Variants in PKNOX2 observed in about 807,000 individuals in gnomAD.
The protein encoded by PKNOX2 is PBX/knotted 1 homeobox 2.
Under a neutral mutation model 53.1 loss-of-function variants are expected in PKNOX2, and 14 were observed. That is an observed-to-expected ratio of 0.26 (90% confidence interval 0.17 to 0.41). The LOEUF is 0.41. PKNOX2 is among the 10% of genes least tolerant of loss of function. PKNOX2 has a pLI of 1.00. For synonymous variants in PKNOX2, 257 were observed against 242.8 expected (o/e 1.06, Z -0.54); for missense variants, 496 against 602.8 (o/e 0.82, Z 1.85).
rs930511579 is a variant in PKNOX2 at position 125,432,356 on chromosome 11, A to T, written c.*964A>T. The T allele has an allele frequency of 6.5e-6, 1 of 152,876 alleles. No individual in the cohort carries two copies. Among genetic ancestry groups the T allele is most frequent in the African/African-American group, 2.4e-5 (1 of 41,464 alleles). 9.5% of individuals were successfully genotyped at this position (152,876 alleles called of 1,614,324 possible). A position where few individuals can be genotyped will look rare whatever the true frequency, so the allele number is the denominator to read the frequency against. ...GAATCTTTCCAGCCCGCAGGTCGCC[A>T]CGGCCATCCCTTTGCTCCCAGCCTG... is the stretch of plus-strand genomic sequence containing the variant. On this transcript the variant is annotated 3_prime_UTR_variant, in exon 13 of 13. Coordinates refer to ENST00000298282, the MANE Select transcript of PKNOX2 (RefSeq NM_001382323.2).
At chr11:125,274,030 A>C (rs538760231) in intron 2 of PKNOX2, among the ~76,000 whole-genome samples, 1 of 152,338 alleles carries the variant, frequency 6.6e-6, no homozygotes, top group East Asian at 1.9e-4. Flanking sequence ...GTAGTATCAC[A>C]CTGGCTCTGG....
rs908163487 is a variant in PKNOX2, at chr11:125,324,976, G to A, written c.-129-6843G>A. ...TGTAAGGAAAGTAGAGACAGGCAGG[G>A]CCTTGCAGAGATGTTCAATGTCAAA... On this transcript the variant is annotated intron_variant, in intron 2 of 12. Transcript: ENST00000298282. 1.0e-3 allele frequency among the ~76,000 whole-genome samples: 154 copies of A among 152,174 alleles called. 1 individual carries two copies. Among genetic ancestry groups the A allele is most frequent in the African/African-American group, 3.7e-3 (153 of 41,438 alleles).
intron 1 of PKNOX2, among the ~76,000 whole-genome samples, chr11:125,229,305 G>A (rs533510856): frequency 1.3e-5 from 2 of 152,308 alleles, no homozygotes; most frequent in Admixed American, 1.3e-4. Context: ...TCTCTATGGG[G>A]CAAACAGGAG....
intron 5 of PKNOX2, among the ~76,000 whole-genome samples, chr11:125,374,465 G>A (rs1952724607): frequency 6.6e-6 from 1 of 152,184 alleles, no homozygotes; most frequent in Non-Finnish European, 1.5e-5. Flanking sequence ...TGATCCTGCT[G>A]GAGCTATAAT....
chr11:125,381,233 C>T (rs1953207020), intron 5 of PKNOX2, among the ~76,000 whole-genome samples: 1 of 152,050 alleles, frequency 6.6e-6, no homozygotes, highest in African/African-American at 2.4e-5. Context: ...GCTGTCTGAG[C>T]TCTGAGAGAG....
At position 125,179,573 on chromosome 11, in the gene PKNOX2, G is replaced by A. The variant is rs145664593; in HGVS notation, c.-201+14797G>A. ...AGCTGACAGGCAGCTGGGGTGCTGGGGCAGAGTGGCGGGTCAGGCGCGAGT... is the reference window on the plus strand; with the variant it reads ...AGCTGACAGGCAGCTGGGGTGCTGGAGCAGAGTGGCGGGTCAGGCGCGAGT... On this transcript the variant is annotated intron_variant, in intron 1 of 12. Transcript: ENST00000298282. 4.4e-3 allele frequency among the ~76,000 whole-genome samples: 670 copies of A among 152,340 alleles called. 5 individuals carry two copies. Among genetic ancestry groups the A allele is most frequent in the African/African-American group, 0.015 (642 of 41,586 alleles).
At chr11:125,324,756 A>C (rs1949734807) in intron 2 of PKNOX2, among the ~76,000 whole-genome samples, 1 of 152,202 alleles carries the variant, frequency 6.6e-6, no homozygotes, top group Non-Finnish European at 1.5e-5. Context: ...AGGCAAAAAC[A>C]AACAGATTGT....
In PKNOX2 at chr11:125,350,921, G is replaced by A. The variant is rs1951269615; in HGVS notation, c.-22-363G>A. Reference sequence around the variant, plus strand: ...GGAACTCAGGGTCCTCCTGGGGAAGGAGGGGTATCCAAATGGCCTCCAGTC... The same window carrying A: ...GGAACTCAGGGTCCTCCTGGGGAAGAAGGGGTATCCAAATGGCCTCCAGTC... On this transcript the variant is annotated intron_variant, in intron 3 of 12. Coordinates refer to ENST00000298282, the MANE Select transcript of PKNOX2 (RefSeq NM_001382323.2). Among the ~76,000 whole-genome samples the A allele has an allele frequency of 2.0e-5, 3 of 152,248 alleles. No individual in the cohort carries two copies. The South Asian group carries it at 6.2e-4, about 32-fold the overall frequency.
At chr11:125,339,952 G>A (rs532721698) in intron 3 of PKNOX2, among the ~76,000 whole-genome samples, 2 of 152,158 alleles carry the variant, frequency 1.3e-5, no homozygotes, top group South Asian at 2.1e-4. Flanking sequence ...AAGATTTGCC[G>A]CTTTCAGCTC....
At chr11:125,334,333 G>C (rs1301064921) in intron 3 of PKNOX2, among the ~76,000 whole-genome samples, 1 of 152,224 alleles carries the variant, frequency 6.6e-6, no homozygotes, top group Non-Finnish European at 1.5e-5. Context: ...GAGCCAGCCA[G>C]TGTGCCTGGA....
intron 5 of PKNOX2, among the ~76,000 whole-genome samples, chr11:125,377,385 G>T (rs1484129850): frequency 6.6e-6 from 1 of 152,192 alleles, no homozygotes; most frequent in Non-Finnish European, 1.5e-5. Flanking sequence ...AGACCCATGA[G>T]GGGAGCCTGC....
At chr11:125,409,354 A>G (rs939374141) in intron 7 of PKNOX2, among the ~76,000 whole-genome samples, 6 of 152,200 alleles carry the variant, frequency 3.9e-5, no homozygotes, top group Non-Finnish European at 7.3e-5. Context: ...GCTAACGCAA[A>G]GAAAAGCGGC....
At chr11:125,172,998 GC>G (rs1245384058) in intron 1 of PKNOX2, among the ~76,000 whole-genome samples, 1 of 152,210 alleles carries the variant, frequency 6.6e-6, no homozygotes, top group Non-Finnish European at 1.5e-5. Flanking sequence ...ACAGCGTGGG[GC>G]TAGGGGAAGG....
chr11:125,201,483 GGA>G lies in PKNOX2; in HGVS notation c.-200-33554_-200-33553del, dbSNP rs1421066681. 2.0e-4 allele frequency among the ~76,000 whole-genome samples: 31 copies of G among 152,306 alleles called. No homozygotes were observed. The East Asian group carries it at 5.6e-3, about 27-fold the overall frequency. ...GCCACAGAAGAGCAGGTAAAGCCCT[GGA>G]GAGAGAGTCAAGGCTGGCTGGAGAA... On this transcript the variant is annotated intron_variant, in intron 1 of 12. Coordinates refer to ENST00000298282, the MANE Select transcript of PKNOX2 (RefSeq NM_001382323.2).
intron 1 of PKNOX2, among the ~76,000 whole-genome samples, chr11:125,182,943 T>C (rs1238462479): frequency 6.6e-6 from 1 of 152,144 alleles, no homozygotes; most frequent in East Asian, 1.9e-4. Context: ...TTCTGGAAAA[T>C]AGGAAGGCTC....
chr11:125,378,751 T>G (rs754956829), intron 5 of PKNOX2, among the ~76,000 whole-genome samples: 1 of 152,076 alleles, frequency 6.6e-6, no homozygotes, highest in African/African-American at 2.4e-5. Context: ...AATCACAAAG[T>G]TTATCACCCA....
rs1012197855 is a variant in PKNOX2, at chr11:125,165,519, C to T, written c.-201+743C>T. Reference sequence around the variant, plus strand: ...CGGTCCCAGGCTGGGGCCAGGTGACCGGAGGAGTCGAGGAGCCGCGGCCGC... The same window carrying T: ...CGGTCCCAGGCTGGGGCCAGGTGACTGGAGGAGTCGAGGAGCCGCGGCCGC... On this transcript the variant is annotated intron_variant, in intron 1 of 12. Coordinates refer to ENST00000298282, the MANE Select transcript of PKNOX2 (RefSeq NM_001382323.2). The surrounding 1 kb of genome is among the most constrained non-coding windows in gnomAD (Gnocchi z 4.5). 6.6e-6 allele frequency among the ~76,000 whole-genome samples: 1 copy of T among 152,028 alleles called. No individual in the cohort carries two copies. The highest frequency in any genetic ancestry group is 1.5e-5 in the Non-Finnish European group (1 of 67,982).
At chr11:125,170,545 G>A (rs915099440) in intron 1 of PKNOX2, among the ~76,000 whole-genome samples, 3 of 152,292 alleles carry the variant, frequency 2.0e-5, no homozygotes, top group African/African-American at 4.8e-5. Context: ...CATCTCACGC[G>A]GTCAAGCAGA....
chr11:125,175,285 G>A (rs886477660), intron 1 of PKNOX2, among the ~76,000 whole-genome samples: 5 of 152,014 alleles, frequency 3.3e-5, no homozygotes, highest in African/African-American at 9.7e-5. Flanking sequence ...TCAATCCCAG[G>A]CAGTCCTCCA....
Sources: allele counts gnomAD v4.1 joint callset (sites outside exome capture counted in the v4.1 genomes callset), GRCh38; gene constraint gnomAD v4.1.1; non-coding constraint Gnocchi (gnomAD v3.1); transcripts MANE v1.5; gene names NCBI Gene and HGNC (gene_info 2026-07-23, HGNC 2026-07-21).